The following ZNF536 variants were observed in gnomAD, a reference collection of about 807,000 sequenced individuals.
ZNF536 encodes zinc finger protein 536.
Under a neutral mutation model 84.5 loss-of-function variants are expected in ZNF536, and 13 were observed. The ratio of observed to expected loss-of-function variants is 0.15; its 90% CI spans 0.10 to 0.24. The LOEUF (loss-of-function observed/expected upper bound fraction) is 0.24. ZNF536 is among the 10% of genes least tolerant of loss of function. The probability of loss-of-function intolerance (pLI) is 1.00; values close to 1 mark genes in which losing one functional copy is unlikely to be tolerated. For synonymous variants in ZNF536, 811 were observed against 742.5 expected (o/e 1.09, Z -1.50); for missense variants, 1,536 against 1,747.5 (o/e 0.88, Z 2.16).
At chr19:30,547,909 C>T (rs779724995) in intron 3 of ZNF536, 34 bp from the exon 4 acceptor site, 29 of 1,511,016 alleles carry the variant, frequency 1.9e-5, no homozygotes, top group East Asian at 9.1e-5. Flanking sequence ...ATGAGATAAA[C>T]GCCTCTTTTT....
intron 1 of ZNF536, among the ~76,000 whole-genome samples, chr19:30,424,316 C>T (rs767712380): frequency 4.6e-5 from 7 of 152,124 alleles, no homozygotes; most frequent in Non-Finnish European, 8.8e-5. Flanking sequence ...TTATAATGCT[C>T]ACTGTGCAAT....
At chr19:30,622,458 C>T (rs575209739) in intron 1 of ZNF536, among the ~76,000 whole-genome samples, 4 of 152,346 alleles carry the variant, frequency 2.6e-5, no homozygotes, top group Middle Eastern at 3.4e-3. Flanking sequence ...TCATGCCCAC[C>T]GGTGGGTCAG....
At chr19:30,441,339 A>T (rs1439833645) in intron 1 of ZNF536, among the ~76,000 whole-genome samples, 1 of 152,234 alleles carries the variant, frequency 6.6e-6, no homozygotes, top group Non-Finnish European at 1.5e-5. Flanking sequence ...GGCTCAGAAG[A>T]GGAGCCAGTG....
rs766355055 is a variant in ZNF536 at position 30,256,627 on chromosome 19, C to T, written c.-189-27445C>T. The stretch of plus-strand genomic sequence containing the variant: ...GGGCGAATGGTTGCTGGTTCTGTTT[C>T]CTTCTGTCATATCATGGAGATTTTT... On this transcript the variant is annotated intron_variant, in intron 1 of 5. Transcript: ENST00000585628. Among the ~76,000 whole-genome samples, 202 of 152,190 alleles carry T rather than the reference C, an allele frequency of 1.3e-3. 2 individuals carry two copies. The highest frequency in any genetic ancestry group is 2.2e-3 in the Admixed American group (33 of 15,272).
chr19:30,507,683 C>T (rs146622685), intron 2 of ZNF536, among the ~76,000 whole-genome samples: 261 of 152,224 alleles, frequency 1.7e-3, no homozygotes, highest in African/African-American at 6.1e-3. Context: ...TAAGAGATTA[C>T]TAGAAGATAA....
chr19:30,507,261 CT>C (rs2055213480), intron 2 of ZNF536, among the ~76,000 whole-genome samples: 1 of 152,048 alleles, frequency 6.6e-6, no homozygotes, highest in Non-Finnish European at 1.5e-5. Context: ...ACTTGGGAGG[CT>C]GAGGCCTGAA....
At chr19:30,704,668 A>AC (rs1198672317) in intron 1 of ZNF536, among the ~76,000 whole-genome samples, 1 of 151,130 alleles carries the variant, frequency 6.6e-6, no homozygotes, top group African/African-American at 2.4e-5. Context: ...AAAAAAAAAA[A>AC]AAGAGATAGA....
At chr19:30,389,103 G>C (rs967799535) in intron 1 of ZNF536, among the ~76,000 whole-genome samples, 4 of 152,228 alleles carry the variant, frequency 2.6e-5, no homozygotes, top group African/African-American at 9.6e-5. Flanking sequence ...AGGCCTGCCT[G>C]TTTCCTTTCC....
intron 2 of ZNF536, among the ~76,000 whole-genome samples, chr19:30,487,143 G>A (rs925424197): frequency 6.6e-6 from 1 of 152,200 alleles, no homozygotes; most frequent in African/African-American, 2.4e-5. Flanking sequence ...GTAATGACAC[G>A]TTAAACTCGT....
chr19:30,250,847 G>GT (rs10712065), intron 1 of ZNF536, among the ~76,000 whole-genome samples: 2,278 of 143,002 alleles, frequency 0.016, 20 homozygotes, highest in Middle Eastern at 0.029. Context: ...TGCCTGTTGG[G>GT]TTTTTTTTTT....
intron 2 of ZNF536, among the ~76,000 whole-genome samples, chr19:30,295,689 A>G (rs1426594143): frequency 6.6e-6 from 1 of 152,180 alleles, no homozygotes; most frequent in African/African-American, 2.4e-5. Context: ...TTCCGTGCAC[A>G]TCTGTTTTAC....
rs749508475 is a variant in ZNF536, at chr19:30,443,590, G to A, written c.28G>A (p.Val10Met). 1.3e-6 allele frequency: 2 copies of A among 1,573,310 alleles called. No individual in the cohort carries two copies. Among genetic ancestry groups the A allele is most frequent in the Non-Finnish European group, 1.7e-6 (2 of 1,162,658 alleles). ...GGAAGAAGCGAGCCTGTGCCTTGGA[G>A]TGTCTTCGGCGGAGCCGGAAGCTGA... MEEASLCLGVSSAEPEAEPH... is the reference protein window; with the variant it reads MEEASLCLGMSSAEPEAEPH... The change falls in exon 2 of 5, where the codon GTG becomes ATG. Residue 10 changes from valine to methionine, a missense_variant. This residue lies in a region of ZNF536 where 161 missense variants were observed against 178.5 expected (regional missense o/e 0.90). Transcript: ENST00000355537.
intron 1 of ZNF536, among the ~76,000 whole-genome samples, chr19:30,414,476 A>AT (rs373164066): frequency 3.4e-4 from 52 of 151,672 alleles, no homozygotes; most frequent in African/African-American, 1.2e-3. Flanking sequence ...ATTTTGTTTC[A>AT]TTTTTTTTCT....
intron 2 of ZNF536, among the ~76,000 whole-genome samples, chr19:30,491,024 G>A (rs547151131): frequency 1.8e-3 from 270 of 152,186 alleles, no homozygotes; most frequent in Middle Eastern, 3.4e-3. Context: ...TGGGGTGAAT[G>A]TGCAACTCCA....
intron 2 of ZNF536, among the ~76,000 whole-genome samples, chr19:30,515,197 G>A (rs1474131937): frequency 6.6e-6 from 1 of 152,148 alleles, no homozygotes; most frequent in African/African-American, 2.4e-5. Context: ...AGGAGTTCAA[G>A]GTTAGAGTGA....
chr19:30,687,763 G>A (rs566119262), intron 1 of ZNF536, among the ~76,000 whole-genome samples: 73 of 152,244 alleles, frequency 4.8e-4, no homozygotes, highest in African/African-American at 1.7e-3. Context: ...CAGGCCTCCT[G>A]CTGTATAAAA....
intron 2 of ZNF536, among the ~76,000 whole-genome samples, chr19:30,333,478 G>A (rs922526078): frequency 6.6e-6 from 1 of 152,212 alleles, no homozygotes; most frequent in African/African-American, 2.4e-5. Context: ...GTGGCCATGA[G>A]GCCGCTGGTC....
At chr19:30,266,680 C>T (rs1347639550) in intron 1 of ZNF536, among the ~76,000 whole-genome samples, 2 of 152,102 alleles carry the variant, frequency 1.3e-5, no homozygotes, top group East Asian at 1.9e-4. Context: ...GATGAAGCCA[C>T]GAATTATTTA....
intron 1 of ZNF536, among the ~76,000 whole-genome samples, chr19:30,242,593 G>C (rs932290785): frequency 1.2e-4 from 18 of 152,298 alleles, no homozygotes; most frequent in African/African-American, 4.1e-4. Context: ...CTGCCCCCAA[G>C]GGGATTTGTA....
Sources: allele counts gnomAD v4.1 joint callset (sites outside exome capture counted in the v4.1 genomes callset), GRCh38; gene constraint gnomAD v4.1.1; regional missense constraint gnomAD v4.1.1; transcripts MANE v1.5; gene names NCBI Gene and HGNC (gene_info 2026-07-23, HGNC 2026-07-21).